DAPK1: variants seen among roughly 807,000 people sequenced by gnomAD.
DAPK1 encodes death-associated protein kinase 1.
A neutral mutation model predicts 144.9 loss-of-function variants in DAPK1; 56 were observed. The observed-to-expected ratio is 0.39, with a 90% confidence interval of 0.31 to 0.48. DAPK1 has a LOEUF of 0.48. Ranked by LOEUF, DAPK1 falls within the 20% of genes least tolerant of loss-of-function variation. The probability of loss-of-function intolerance (pLI) is 0.95; values close to 1 mark genes in which losing one functional copy is unlikely to be tolerated. For missense variants in DAPK1, 1,454 were observed against 1,875.4 expected (o/e 0.78, Z 4.15); for synonymous variants, 690 against 749.0 (o/e 0.92, Z 1.29).
intron 3 of DAPK1, among the ~76,000 whole-genome samples, chr9:87,606,139 G>A (rs1292084355): frequency 6.6e-6 from 1 of 152,134 alleles, no homozygotes; most frequent in African/African-American, 2.4e-5. Flanking sequence ...CTCCTTCTTT[G>A]CAGATACCTT....
chr9:87,641,392 G>A, intron 9 of DAPK1, among the ~76,000 whole-genome samples: 1 of 152,200 alleles, frequency 6.6e-6, no homozygotes, highest in East Asian at 1.9e-4. Flanking sequence ...AAGTATGATA[G>A]TTACAGAATA....
At chr9:87,521,814 A>G (rs1299008535) in intron 2 of DAPK1, among the ~76,000 whole-genome samples, 1 of 152,214 alleles carries the variant, frequency 6.6e-6, no homozygotes, top group Non-Finnish European at 1.5e-5. Flanking sequence ...CCAGTATGGC[A>G]GTGTTGAGAG....
chr9:87,643,420 A>G lies in DAPK1; in HGVS notation c.963A>G (p.Ser321=). 6.2e-7 allele frequency: 1 copy of G among 1,602,554 alleles called. No individual in the cohort carries two copies. Among genetic ancestry groups the G allele is most frequent in the Non-Finnish European group, 8.5e-7 (1 of 1,178,026 alleles). ...CACTGTGCCAAAGATTATCCAGGTC[A>G]TTCCTGTCCAGAAGTAACATGAGTG... is the stretch of plus-strand genomic sequence containing the variant. ...LISLCQRLSR[S]FLSRSNMSVA... The change falls in exon 11 of 26, where the codon TCA becomes TCG. Residue 321 remains serine (S), a synonymous_variant. Coordinates refer to ENST00000408954, the MANE Select transcript of DAPK1 (RefSeq NM_004938.4).
chr9:87,695,048 C>T (rs540000066), intron 21 of DAPK1, among the ~76,000 whole-genome samples: 1 of 151,450 alleles, frequency 6.6e-6, no homozygotes, highest in African/African-American at 2.5e-5. Context: ...AAAAGTTGGG[C>T]TTCCTCTGAG....
rs560017537 is a variant in DAPK1 at position 87,676,265 on chromosome 9, C to T, written c.2002-5139C>T. ...GTGTTAAACACACACTGTGTAAGGA[C>T]TACTGAACTCCCCCTCCAAATAAAT... On this transcript the variant is annotated intron_variant, in intron 19 of 25. Transcript: ENST00000408954. Among the ~76,000 whole-genome samples, 15 of 152,360 alleles carry T rather than the reference C, an allele frequency of 9.8e-5. No individual in the cohort carries two copies. In the South Asian group the frequency reaches 2.9e-3, roughly 29 times the overall value.
chr9:87,692,952 CTTTTTTTTTTTTTTTTTTTTTTTTT>C (rs61324273), intron 21 of DAPK1, among the ~76,000 whole-genome samples: 6 of 26,406 alleles, frequency 2.3e-4, no homozygotes, highest in South Asian at 2.1e-3. Context: ...AGTGACTAGA[CTTTTTTTTTTTTTTTTTTTTTTTTT>C]TTTTTTTTTT....
chr9:87,531,353 G>A (rs1024027979), intron 2 of DAPK1, among the ~76,000 whole-genome samples: 5 of 152,180 alleles, frequency 3.3e-5, no homozygotes, highest in East Asian at 1.9e-4. Context: ...GAAAATGGAC[G>A]TGATTTTTCC....
intron 2 of DAPK1, among the ~76,000 whole-genome samples, chr9:87,504,368 C>A (rs1466138267): frequency 1.3e-5 from 2 of 152,112 alleles, no homozygotes; most frequent in African/African-American, 4.8e-5. Context: ...TAGTAAGTGG[C>A]AGTTTGGTTG....
At chr9:87,581,326 A>G (rs1827746373) in intron 2 of DAPK1, among the ~76,000 whole-genome samples, 1 of 152,152 alleles carries the variant, frequency 6.6e-6, no homozygotes, top group African/African-American at 2.4e-5. Context: ...ACCCTTGAAC[A>G]TCCTGATATT....
intron 2 of DAPK1, among the ~76,000 whole-genome samples, chr9:87,511,710 G>GTGTGTGTGT (rs1824852954): frequency 7.8e-6 from 1 of 128,312 alleles, no homozygotes; most frequent in African/African-American, 3.6e-5. Context: ...GTGTGTCTGT[G>GTGTGTGTGT]GTTTGTTTTT....
At chr9:87,653,356 A>G (rs1830522664) in intron 17 of DAPK1, among the ~76,000 whole-genome samples, 1 of 152,274 alleles carries the variant, frequency 6.6e-6, no homozygotes. Context: ...AATATTACTT[A>G]TATGGACATG....
chr9:87,692,757 G>A (rs1417983664), intron 21 of DAPK1, among the ~76,000 whole-genome samples: 1 of 151,870 alleles, frequency 6.6e-6, no homozygotes, highest in African/African-American at 2.4e-5. Flanking sequence ...ACTTCCCCCA[G>A]CTTGTCTTGT....
At chr9:87,690,762 G>A (rs923646696) in intron 21 of DAPK1, among the ~76,000 whole-genome samples, 1 of 152,052 alleles carries the variant, frequency 6.6e-6, no homozygotes, top group African/African-American at 2.4e-5. Context: ...TATCATGAAG[G>A]GATGTTGAAT....
At chr9:87,680,652 C>T (rs890456837) in intron 19 of DAPK1, among the ~76,000 whole-genome samples, 8 of 122,670 alleles carry the variant, frequency 6.5e-5, no homozygotes, top group Non-Finnish European at 9.4e-5. Context: ...CACACACACA[C>T]GCGCACACAC....
At chr9:87,575,271 TAAAG>T (rs1370729820) in intron 2 of DAPK1, among the ~76,000 whole-genome samples, 1 of 131,422 alleles carries the variant, frequency 7.6e-6, no homozygotes, top group Non-Finnish European at 1.6e-5. Flanking sequence ...TAAAATAAAA[TAAAG>T]GTAAAAGGCA....
chr9:87,556,785 T>C (rs1488668942), intron 2 of DAPK1, among the ~76,000 whole-genome samples: 1 of 152,218 alleles, frequency 6.6e-6, no homozygotes, highest in Non-Finnish European at 1.5e-5. Context: ...AATGCTCTCC[T>C]CAGGTTTGGA....
intron 2 of DAPK1, among the ~76,000 whole-genome samples, chr9:87,530,094 C>G (rs896102593): frequency 1.3e-5 from 2 of 152,190 alleles, no homozygotes; most frequent in Non-Finnish European, 2.9e-5. Context: ...TAGGCTTTCC[C>G]CCTCTGGGAT....
Position 87,663,192 on chromosome 9 carries a change from C to T in DAPK1, c.1923+5065C>T, listed in dbSNP as rs36215384. ...CTGCACCCTCCACTGTCTTGCCTTC[C>T]GTTCCACGTAACCCTCAGCAGAGTC... On this transcript the variant is annotated intron_variant, in intron 18 of 25. Coordinates refer to ENST00000408954, the MANE Select transcript of DAPK1 (RefSeq NM_004938.4). 5.0e-3 allele frequency among the ~76,000 whole-genome samples: 756 copies of T among 152,230 alleles called. 6 individuals are homozygous for T. Among genetic ancestry groups the T allele is most frequent in the African/African-American group, 0.016 (682 of 41,508 alleles).
chr9:87,600,691 A>G (rs1419743038), intron 2 of DAPK1, among the ~76,000 whole-genome samples: 1 of 152,228 alleles, frequency 6.6e-6, no homozygotes, highest in East Asian at 1.9e-4. Context: ...ATTAAATGTC[A>G]TAGCATGCAA....
Sources: gnomAD v4.1 joint callset for allele counts (sites outside exome capture counted in the v4.1 genomes callset) on GRCh38, gnomAD v4.1.1 for gene constraint, MANE v1.5 for transcripts, NCBI Gene and HGNC (gene_info 2026-07-23, HGNC 2026-07-21) for gene names.